IL22RA1: variants seen among roughly 807,000 people sequenced by gnomAD.
IL22RA1 encodes the protein interleukin-22 receptor subunit alpha-1.
Under a neutral mutation model 32.8 loss-of-function variants are expected in IL22RA1, and 25 were observed. The ratio of observed to expected loss-of-function variants is 0.76; its 90% CI spans 0.55 to 1.06. The LOEUF is 1.06. Ranked by LOEUF, IL22RA1 falls within the 50% of genes least tolerant of loss-of-function variation. The pLI, the probability that IL22RA1 is intolerant of heterozygous loss-of-function variation, is 0.00. For synonymous variants in IL22RA1, 305 were observed against 305.0 expected, an observed-to-expected ratio of 1.00 and a Z score of 0.00; for missense variants, 709 against 727.4, an observed-to-expected ratio of 0.97 and a Z score of 0.29.
chr1:24,137,436 C>T (rs1249846814), intron 2 of IL22RA1, 127 bp from the exon 3 acceptor site: 15 of 716,318 alleles, frequency 2.1e-5, no homozygotes, highest in Non-Finnish European at 2.3e-5. Context: ...GCCCTTTATG[C>T]GAATGATCTC....
chr1:24,121,876 C>A lies in IL22RA1; in HGVS notation c.793-139G>T, dbSNP rs1644126675. On this transcript the variant is annotated intron_variant, in intron 6 of 6. Transcript: ENST00000270800. ...AGATGCGTCTGTCCCATATCCCCAT[C>A]TGCTTCCCAGAGACTCCTCTAGGTG... 8.9e-6 allele frequency: 5 copies of A among 559,618 alleles called. 1 individual carries two copies. Among genetic ancestry groups the A allele is most frequent in the African/African-American group, 7.7e-5 (4 of 52,034 alleles). 34.7% of individuals were successfully genotyped at this position (559,618 alleles called of 1,614,324 possible). A position where few individuals can be genotyped will look rare whatever the true frequency, so the allele number is the denominator to read the frequency against.
rs1293650445 is a variant in IL22RA1 at position 24,138,705 on chromosome 1, G to A, written c.53C>T (p.Pro18Leu). The A allele has an allele frequency of 6.2e-7, 1 of 1,614,082 alleles. No homozygotes were observed. The highest frequency in any genetic ancestry group is 1.7e-5 in the Admixed American group (1 of 59,996). The change falls in exon 2 of 7, where the codon CCT (proline) becomes CTT (leucine). Residue 18 changes from proline (P) to leucine (L), a missense_variant. Coordinates refer to ENST00000270800, the MANE Select transcript of IL22RA1 (RefSeq NM_021258.4). The part of the protein sequence containing the change: ...LTVGSLAAHA[P>L]EDPSDLLQHV... ...CTGGAGCAGATCCGAGGGGTCCTCA[G>A]GGGCGTGAGCTGCAGGAGGGTGGGA...
At position 24,124,511 on chromosome 1, in the gene IL22RA1, G is replaced by A. The variant is rs145791318; in HGVS notation, c.671-1088C>T. 3.7e-3 allele frequency among the ~76,000 whole-genome samples: 569 copies of A among 152,276 alleles called. 5 individuals carry two copies. Among genetic ancestry groups the A allele is most frequent in the Middle Eastern group, 0.031 (9 of 294 alleles). ...TTGTGAAGGACTTATGGAGGAAGAG[G>A]TTGTTGGAGTTTTTGGTAAAACTGA... On this transcript the variant is annotated intron_variant, in intron 5 of 6. Coordinates refer to ENST00000270800, the MANE Select transcript of IL22RA1 (RefSeq NM_021258.4).
In IL22RA1 at chr1:24,121,755, C is replaced by T; in HGVS notation, c.793-18G>A. The stretch of plus-strand genomic sequence containing the variant: ...TGGACGTTCTGTGCAGGGACGACAA[C>T]AGTCACCCCCCTGTGGTTAGGGTAA... On this transcript the variant is annotated intron_variant, in intron 6 of 6. Coordinates refer to ENST00000270800, the MANE Select transcript of IL22RA1 (RefSeq NM_021258.4). 6.8e-7 allele frequency: 1 copy of T among 1,467,040 alleles called. No individual in the cohort carries two copies. Among genetic ancestry groups the T allele is most frequent in the Non-Finnish European group, 9.1e-7 (1 of 1,102,344 alleles). The allele number at this position is 1,467,040 out of a possible 1,614,324, so 90.9% of individuals were successfully genotyped here. A position where few individuals can be genotyped will look rare whatever the true frequency, so the allele number is the denominator to read the frequency against.
chr1:24,130,017 C>T (rs926424485), intron 4 of IL22RA1, among the ~76,000 whole-genome samples: 1 of 152,182 alleles, frequency 6.6e-6, no homozygotes, highest in African/African-American at 2.4e-5. Flanking sequence ...CATATTTGAT[C>T]TTTCTTCATT....
intron 6 of IL22RA1, among the ~76,000 whole-genome samples, chr1:24,122,072 T>C (rs1234580208): frequency 6.6e-6 from 1 of 152,108 alleles, no homozygotes; most frequent in African/African-American, 2.4e-5. Context: ...GTGGCCCGCA[T>C]TGTTGCTTGG....
rs780718580 is a variant in IL22RA1 at position 24,123,321 on chromosome 1, G to T, written c.773C>A (p.Pro258His). 3.1e-6 allele frequency: 5 copies of T among 1,614,202 alleles called. No individual in the cohort carries two copies. Among genetic ancestry groups the T allele is most frequent in the Non-Finnish European group, 4.2e-6 (5 of 1,180,014 alleles). The change falls in exon 6 of 7, where the codon CCT becomes CAT. Residue 258 changes from proline (P) to histidine (H), a missense_variant. Coordinates refer to ENST00000270800, the MANE Select transcript of IL22RA1 (RefSeq NM_021258.4). ...GCTCACCAGGGAGTTGGGAGGTGCA[G>T]GCGGCTTGGTGACATATCTGTAGCT... is the stretch of plus-strand genomic sequence containing the variant. The part of the protein sequence containing the change: ...YLSYRYVTKP[P>H]APPNSLNVQR...
chr1:24,128,609 C>T lies in IL22RA1; in HGVS notation c.532-330G>A, dbSNP rs771426303. Among the ~76,000 whole-genome samples the T allele has an allele frequency of 2.2e-4, 33 of 152,196 alleles. 1 individual carries two copies. The South Asian group carries it at 2.3e-3, about 11-fold the overall frequency. ...CATTATGACCTCCACCACCCTCCCA[C>T]GCTCCCACTATCCCTCCTTCTTCCA... is the stretch of plus-strand genomic sequence containing the variant. On this transcript the variant is annotated intron_variant, in intron 4 of 6. Transcript: ENST00000270800.
chr1:24,121,433 G>C lies in IL22RA1; in HGVS notation c.1097C>G (p.Pro366Arg), dbSNP rs775024536. The C allele has an allele frequency of 6.5e-7, 1 of 1,549,308 alleles. No homozygotes were observed. Among genetic ancestry groups the C allele is most frequent in the Non-Finnish European group, 8.7e-7 (1 of 1,145,872 alleles). The change falls in exon 7 of 7, where the codon CCT becomes CGT. Residue 366 changes from proline to arginine, a missense_variant. Pro to Arg is a moderately radical substitution (Grantham distance 103). Transcript: ENST00000270800. ...GAATTGAGCTTCGGGGGTCACCTGA[G>C]GTGCATAGGATGGGGGCCCGACCTC... ...APEVGPPSYA[P>R]QVTPEAQFPF...
At position 24,121,028 on chromosome 1, in the gene IL22RA1, G is replaced by A; in HGVS notation, c.1502C>T (p.Ser501Leu). The part of the protein sequence containing the change: ...YLKGQLPLLS[S>L]VQIEGHPMSL... ...CATGGGGTGGCCCTCGATCTGGACT[G>A]AGGAGAGGAGGGGGAGCTGGCCCTT... Residue 501 changes from serine (S) to leucine (L), a missense_variant, in exon 7 of 7, where the codon TCA (serine) becomes TTA (leucine). Transcript: ENST00000270800. The A allele has an allele frequency of 6.2e-7, 1 of 1,614,198 alleles. No homozygotes were observed. Among genetic ancestry groups the A allele is most frequent in the Non-Finnish European group, 8.5e-7 (1 of 1,180,010 alleles).
Position 24,121,403 on chromosome 1 carries a change from A to G in IL22RA1, c.1127T>C (p.Phe376Ser). ...PQVTPEAQFPFYAPQAISKVQ... is the reference protein window; with the variant it reads ...PQVTPEAQFPSYAPQAISKVQ... The stretch of plus-strand genomic sequence containing the variant: ...CTTAGAGATGGCCTGTGGGGCGTAG[A>G]ATGGGAATTGAGCTTCGGGGGTCAC... The change falls in exon 7 of 7, where the codon TTC becomes TCC. Residue 376 changes from phenylalanine (F) to serine (S), a missense_variant. Coordinates refer to ENST00000270800, the MANE Select transcript of IL22RA1 (RefSeq NM_021258.4). 1 of 1,555,010 alleles carries G rather than the reference A, an allele frequency of 6.4e-7. No individual in the cohort carries two copies. Among genetic ancestry groups the G allele is most frequent in the East Asian group, 2.3e-5 (1 of 44,284 alleles).
At chr1:24,142,918 G>T in intron 1 of IL22RA1, 122 bp downstream of exon 1, 1 of 945,662 alleles carries the variant, frequency 1.1e-6, no homozygotes, top group Non-Finnish European at 1.7e-6. Context: ...ACCCTGCTCA[G>T]CCCTAGCAGG....
At chr1:24,141,152 G>A (rs768412917) in intron 1 of IL22RA1, among the ~76,000 whole-genome samples, 3 of 152,206 alleles carry the variant, frequency 2.0e-5, no homozygotes, top group Admixed American at 6.5e-5. Flanking sequence ...TAGGGATGGC[G>A]CGGGGAGGGG....
chr1:24,125,646 A>G (rs1644156138), intron 5 of IL22RA1, among the ~76,000 whole-genome samples: 1 of 152,176 alleles, frequency 6.6e-6, no homozygotes, highest in Admixed American at 6.5e-5. Flanking sequence ...AGATGAATCA[A>G]TCAGGTTCCC....
chr1:24,130,894 G>T (rs1012129598), intron 4 of IL22RA1, among the ~76,000 whole-genome samples: 1 of 152,054 alleles, frequency 6.6e-6, no homozygotes, highest in East Asian at 1.9e-4. Flanking sequence ...TAGTAGAGAT[G>T]GGGTTTTACC....
In IL22RA1 at chr1:24,123,439, G is replaced by T. The variant is rs200467975; in HGVS notation, c.671-16C>A. 6.2e-7 allele frequency: 1 copy of T among 1,610,764 alleles called. No individual in the cohort carries two copies. The highest frequency in any genetic ancestry group is 8.5e-7 in the Non-Finnish European group (1 of 1,178,618). On this transcript the variant is annotated splice_polypyrimidine_tract_variant and intron_variant, in intron 5 of 6. Transcript: ENST00000270800. ...CATGTCCGGTCTGGGAAACCAAAGG[G>T]GCCAGAGAAGGAAGCGTGAGGCTGG...
chr1:24,121,030 G>A lies in IL22RA1; in HGVS notation c.1500C>T (p.Ser500=), dbSNP rs760586269. 16 of 1,614,086 alleles carry A rather than the reference G, an allele frequency of 9.9e-6. No homozygotes were observed. The highest frequency in any genetic ancestry group is 1.1e-5 in the South Asian group (1 of 91,088). The change falls in exon 7 of 7, where the codon TCC becomes TCT. Residue 500 remains serine (S), a synonymous_variant. Transcript: ENST00000270800. ...QYLKGQLPLL[S]SVQIEGHPMS... The stretch of plus-strand genomic sequence containing the variant: ...TGGGGTGGCCCTCGATCTGGACTGA[G>A]GAGAGGAGGGGGAGCTGGCCCTTTA...
chr1:24,140,304 C>T (rs965577120), intron 1 of IL22RA1, among the ~76,000 whole-genome samples: 3 of 152,258 alleles, frequency 2.0e-5, no homozygotes, highest in South Asian at 4.2e-4. Flanking sequence ...AGCGGGTTGG[C>T]GTCTGTGAAT....
At chr1:24,132,838 T>C (rs1644215839) in intron 4 of IL22RA1, among the ~76,000 whole-genome samples, 1 of 151,388 alleles carries the variant, frequency 6.6e-6, no homozygotes, top group African/African-American at 2.4e-5. Flanking sequence ...CCGTCTCTCT[T>C]TTTTTTAAAT....
Sources: gnomAD v4.1 joint callset for allele counts (sites outside exome capture counted in the v4.1 genomes callset) on GRCh38, gnomAD v4.1.1 for gene constraint, MANE v1.5 for transcripts, NCBI Gene and HGNC (gene_info 2026-07-23, HGNC 2026-07-21) for gene names.